The following NRG1 variants were observed in gnomAD, a reference collection of about 807,000 sequenced individuals.
NRG1 encodes pro-neuregulin-1, membrane-bound isoform.
In NRG1, 18 loss-of-function variants were observed where a neutral mutation model predicts 63.8. The ratio of observed to expected loss-of-function variants is 0.28; its 90% CI spans 0.19 to 0.42. The LOEUF (loss-of-function observed/expected upper bound fraction) is 0.42, where lower values mean the gene tolerates loss of function less well. NRG1 is among the 10% of genes least tolerant of loss of function. The pLI is 1.00. For missense variants in NRG1, 762 were observed against 814.7 expected (o/e 0.94, Z 0.79); for synonymous variants, 302 against 301.3 (o/e 1.00, Z -0.02).
chr8:31,639,762 T>G, intron 1 of NRG1: 1 of 1,345,470 alleles, frequency 7.4e-7, no homozygotes, highest in Non-Finnish European at 9.5e-7. Context: ...TTTTTTTTTT[T>G]GCCCTTATAC....
intron 1 of NRG1, among the ~76,000 whole-genome samples, chr8:32,332,458 G>T (rs1427563333): frequency 6.6e-6 from 1 of 152,162 alleles, no homozygotes; most frequent in African/African-American, 2.4e-5. Context: ...TTCTCTGTGT[G>T]CTTCCCTTGC....
chr8:32,317,457 TCATGCTATGCAGAAGTTTTCTGTTAAA>T (rs1857533685), intron 1 of NRG1, among the ~76,000 whole-genome samples: 1 of 152,220 alleles, frequency 6.6e-6, no homozygotes, highest in Admixed American at 6.5e-5. Context: ...AAGAATTTTC[TCATGCTATGCAGAAGTTTTCTGTTAAA>T]GATATCAGAG....
chr8:31,639,629 C>A, intron 1 of NRG1: 1 of 1,411,544 alleles, frequency 7.1e-7, no homozygotes, highest in Non-Finnish European at 9.2e-7. Flanking sequence ...CCACGTCCTC[C>A]TCCGGTGACA....
chr8:32,550,454 T>C (rs1833903757), intron 1 of NRG1, among the ~76,000 whole-genome samples: 1 of 152,136 alleles, frequency 6.6e-6, no homozygotes. Flanking sequence ...CTGTTTGTGG[T>C]TGTGTTCTCC....
chr8:32,573,421 G>A (rs888617001), intron 1 of NRG1, among the ~76,000 whole-genome samples: 6 of 152,194 alleles, frequency 3.9e-5, no homozygotes, highest in East Asian at 3.9e-4. Context: ...CTTATGAGCC[G>A]TATTTTGCTG....
intron 1 of NRG1, among the ~76,000 whole-genome samples, chr8:32,594,480 A>G (rs1305048778): frequency 6.6e-6 from 1 of 152,192 alleles, no homozygotes; most frequent in Non-Finnish European, 1.5e-5. Context: ...AATGTCTATG[A>G]TAAACAGAAT....
At chr8:32,465,469 G>T (rs990231688) in intron 1 of NRG1, among the ~76,000 whole-genome samples, 1 of 152,146 alleles carries the variant, frequency 6.6e-6, no homozygotes. Context: ...GTAGTTTTTG[G>T]ATATTCATGG....
intron 1 of NRG1, among the ~76,000 whole-genome samples, chr8:32,362,069 C>G (rs1228155323): frequency 6.6e-6 from 1 of 152,204 alleles, no homozygotes; most frequent in Non-Finnish European, 1.5e-5. Context: ...TAGCTTCTCC[C>G]ATTCCAGCCT....
At chr8:32,323,658 C>T (rs1801673895) in intron 1 of NRG1, among the ~76,000 whole-genome samples, 1 of 152,228 alleles carries the variant, frequency 6.6e-6, no homozygotes, top group East Asian at 1.9e-4. Context: ...GGCACGTAAG[C>T]CATTTTTTCC....
rs1846480141 is a variant in NRG1 at position 32,612,156 on chromosome 8, A to C, written c.401-2358A>C. ...TATAAATTAACAAATGTAATATGCC[A>C]AATTACTATGGGAAAATATGTTGCT... On this transcript the variant is annotated intron_variant, in intron 3 of 11. Coordinates refer to ENST00000356819, the Ensembl canonical transcript of NRG1. Among the ~76,000 whole-genome samples the C allele has an allele frequency of 2.6e-5, 4 of 152,136 alleles. No homozygotes were observed. The South Asian group carries it at 8.3e-4, about 31-fold the overall frequency.
rs557532298 is a variant in NRG1, at chr8:32,443,803, G to A, written c.38-152025G>A. 4.7e-5 allele frequency among the ~76,000 whole-genome samples: 7 copies of A among 149,898 alleles called. No homozygotes were observed. The East Asian group carries it at 1.4e-3, about 30-fold the overall frequency. On this transcript the variant is annotated intron_variant, in intron 1 of 10. Transcript: ENST00000519301. Reference sequence around the variant, plus strand: ...CATTTACTAGAAAATCATGCTTTTCGAGAACGCATTTCTATTATGGAGTTT... The same window carrying A: ...CATTTACTAGAAAATCATGCTTTTCAAGAACGCATTTCTATTATGGAGTTT...
intron 1 of NRG1, among the ~76,000 whole-genome samples, chr8:32,343,556 A>G (rs1310934649): frequency 6.6e-6 from 1 of 152,186 alleles, no homozygotes. Flanking sequence ...ACACAGCCTC[A>G]ATGACCTAAT....
chr8:32,656,612 G>C (rs189555274), intron 5 of NRG1, among the ~76,000 whole-genome samples: 42 of 152,206 alleles, frequency 2.8e-4, no homozygotes, highest in African/African-American at 1.0e-3. Flanking sequence ...CTTTAAAGTA[G>C]AACTAGAAAT....
At chr8:32,044,979 T>A (rs1486623702) in intron 1 of NRG1, among the ~76,000 whole-genome samples, 1 of 103,942 alleles carries the variant, frequency 9.6e-6, no homozygotes, top group Admixed American at 9.6e-5. Context: ...AGAGCATACA[T>A]CAATAAAACT....
intron 1 of NRG1, among the ~76,000 whole-genome samples, chr8:32,260,868 CT>C (rs1850288265): frequency 6.6e-6 from 1 of 152,122 alleles, no homozygotes; most frequent in Non-Finnish European, 1.5e-5. Context: ...GATCTTGCCC[CT>C]GTCTGTCTTC....
At chr8:32,270,132 C>T in intron 1 of NRG1, among the ~76,000 whole-genome samples, 1 of 152,134 alleles carries the variant, frequency 6.6e-6, no homozygotes, top group Non-Finnish European at 1.5e-5. Flanking sequence ...GCTGTGAAGG[C>T]ATCAGAGTAA....
intron 1 of NRG1, among the ~76,000 whole-genome samples, chr8:32,526,933 T>C (rs575008401): frequency 1.3e-5 from 2 of 152,274 alleles, no homozygotes; most frequent in South Asian, 4.2e-4. Context: ...TCTTCTGTAA[T>C]TGTACCTAAG....
chr8:32,743,028 A>G, intron 7 of NRG1: 1 of 1,187,334 alleles, frequency 8.4e-7, no homozygotes, highest in South Asian at 2.7e-5. Flanking sequence ...GCAGTGAAAT[A>G]TGATAATAAA....
chr8:32,146,022 T>C (rs1836833199), intron 1 of NRG1, among the ~76,000 whole-genome samples: 1 of 152,224 alleles, frequency 6.6e-6, no homozygotes, highest in Non-Finnish European at 1.5e-5. Context: ...TAGAGTCTAA[T>C]AATTTCTTGG....
Sources: allele counts gnomAD v4.1 joint callset (sites outside exome capture counted in the v4.1 genomes callset), GRCh38; gene constraint gnomAD v4.1.1; transcripts MANE v1.5; gene names NCBI Gene and HGNC (gene_info 2026-07-23, HGNC 2026-07-21).